MTARC1: variants seen among roughly 807,000 people sequenced by gnomAD.
MTARC1 encodes the protein mitochondrial amidoxime reducing component 1, also known as mitochondrial amidoxime-reducing component 1.
A neutral mutation model predicts 33.6 loss-of-function variants in MTARC1; 24 were observed. That is an observed-to-expected ratio of 0.72 (90% confidence interval 0.52 to 1.01). The LOEUF (loss-of-function observed/expected upper bound fraction) is 1.01, where lower values mean the gene tolerates loss of function less well. MTARC1 is among the 50% of genes least tolerant of loss of function. The probability of loss-of-function intolerance (pLI) is 0.00; values close to 1 mark genes in which losing one functional copy is unlikely to be tolerated. For synonymous variants in MTARC1, 187 were observed against 189.5 expected (o/e 0.99, Z 0.11); for missense variants, 417 against 445.7 (o/e 0.94, Z 0.58).
At chr1:220,798,325 G>T in intron 4 of MTARC1, 1 of 1,241,872 alleles carries the variant, frequency 8.1e-7, no homozygotes, top group Non-Finnish European at 1.0e-6. Context: ...ATCTGTGTGG[G>T]CCATGGAACA....
rs962217565 is a variant in MTARC1, at chr1:220,814,223, A to G, written c.*805A>G. The G allele has an allele frequency of 6.6e-6, 1 of 152,230 alleles. No homozygotes were observed. The highest frequency in any genetic ancestry group is 1.5e-5 in the Non-Finnish European group (1 of 68,046). The allele number at this position is 152,230 out of a possible 1,614,324, so 9.4% of individuals were successfully genotyped here. A position where few individuals can be genotyped will look rare whatever the true frequency, so the allele number is the denominator to read the frequency against. On this transcript the variant is annotated 3_prime_UTR_variant, in exon 7 of 7. Transcript: ENST00000366910. Reference sequence around the variant, plus strand: ...ACCTTTAAAGGGGGAAAAGGAAAGCATATGTCAGTTGTTTAAAACCCAATA... The same window carrying G: ...ACCTTTAAAGGGGGAAAAGGAAAGCGTATGTCAGTTGTTTAAAACCCAATA...
At chr1:220,813,192 A>G in intron 6 of MTARC1, 100 bp from the exon 7 acceptor site, 1 of 1,518,098 alleles carries the variant, frequency 6.6e-7, no homozygotes, top group Non-Finnish European at 9.1e-7. Flanking sequence ...TGCCCTCTCG[A>G]GCTGTGCGTG....
In MTARC1 at chr1:220,789,548, T is replaced by C. The variant is rs553975548; in HGVS notation, c.276-1943T>C. Among the ~76,000 whole-genome samples the C allele has an allele frequency of 5.9e-5, 9 of 152,346 alleles. No homozygotes were observed. In the South Asian group the frequency reaches 1.9e-3, roughly 32 times the overall value. On this transcript the variant is annotated intron_variant, in intron 1 of 6. Transcript: ENST00000366910. ...GGCCACGGGTTGGACAAGCTTACTCTAAGGTATTTACCAAAAGGAACTGGG... is the reference window on the plus strand; with the variant it reads ...GGCCACGGGTTGGACAAGCTTACTCCAAGGTATTTACCAAAAGGAACTGGG...
At chr1:220,801,048 T>C (rs1672782987) in intron 4 of MTARC1, among the ~76,000 whole-genome samples, 1 of 152,172 alleles carries the variant, frequency 6.6e-6, no homozygotes, top group African/African-American at 2.4e-5. Flanking sequence ...TTGATGTAAG[T>C]CACATCATGT....
At chr1:220,804,837 C>A (rs1672922836) in intron 4 of MTARC1, among the ~76,000 whole-genome samples, 1 of 151,586 alleles carries the variant, frequency 6.6e-6, no homozygotes, top group Non-Finnish European at 1.5e-5. Context: ...AGGGAAATCT[C>A]ATCTCAGGGG....
intron 6 of MTARC1, among the ~76,000 whole-genome samples, chr1:220,812,952 C>T (rs1673180851): frequency 6.6e-6 from 1 of 152,094 alleles, no homozygotes; most frequent in South Asian, 2.1e-4. Flanking sequence ...TCTTGATCTC[C>T]ATCCTGGTTG....
intron 6 of MTARC1, among the ~76,000 whole-genome samples, chr1:220,806,556 AC>A (rs1194292884): frequency 2.0e-5 from 3 of 152,064 alleles, no homozygotes; most frequent in African/African-American, 7.2e-5. Context: ...TCCACCTCTC[AC>A]CAACCTCATG....
intron 6 of MTARC1, among the ~76,000 whole-genome samples, chr1:220,812,341 G>T (rs1673160980): frequency 6.6e-6 from 1 of 152,244 alleles, no homozygotes; most frequent in African/African-American, 2.4e-5. Context: ...GCCACGGAAG[G>T]TTTGTGAGCC....
chr1:220,793,472 C>T (rs915220753), intron 2 of MTARC1: 29 of 152,192 alleles, frequency 1.9e-4, no homozygotes, highest in Admixed American at 1.6e-3. Context: ...ACAGACTCTT[C>T]GAGCAAAGAT....
intron 4 of MTARC1, among the ~76,000 whole-genome samples, chr1:220,799,824 C>T (rs1672731163): frequency 6.6e-6 from 1 of 152,226 alleles, no homozygotes; most frequent in East Asian, 1.9e-4. Context: ...GGTCACCAAA[C>T]TCGCCGAGGC....
chr1:220,798,423 G>A (rs1672689211), intron 4 of MTARC1: 1 of 1,172,804 alleles, frequency 8.5e-7, no homozygotes, highest in African/African-American at 1.6e-5. Context: ...TTACTGCAAG[G>A]CTGCTGGGTG....
chr1:220,801,362 C>T (rs2102599738), intron 4 of MTARC1, among the ~76,000 whole-genome samples: 1 of 152,234 alleles, frequency 6.6e-6, no homozygotes, highest in East Asian at 1.9e-4. Context: ...CCACAGCACA[C>T]ACCCCACCTA....
intron 1 of MTARC1, among the ~76,000 whole-genome samples, 163 bp downstream of exon 1, chr1:220,787,382 C>T (rs2102580575): frequency 6.6e-6 from 1 of 152,188 alleles, no homozygotes; most frequent in South Asian, 2.1e-4. Flanking sequence ...AAAAAGGAAC[C>T]CTCACCCCCC....
intron 6 of MTARC1, chr1:220,809,093 G>T: frequency 2.8e-6 from 1 of 360,174 alleles, no homozygotes; most frequent in Non-Finnish European, 5.5e-6. Context: ...TATAGCAGTG[G>T]TAACTCCATG....
chr1:220,808,824 GA>G, intron 6 of MTARC1: 1 of 471,156 alleles, frequency 2.1e-6, no homozygotes, highest in Non-Finnish European at 4.4e-6. Flanking sequence ...CTAACAGGAA[GA>G]TATGAAAATG....
chr1:220,810,163 T>TAATTTATTAA (rs1326277545), intron 6 of MTARC1, among the ~76,000 whole-genome samples: 1 of 152,252 alleles, frequency 6.6e-6, no homozygotes, highest in Non-Finnish European at 1.5e-5. Flanking sequence ...AAATGAGTTT[T>TAATTTATTAA]AATTTATTAA....
intron 6 of MTARC1, among the ~76,000 whole-genome samples, chr1:220,806,045 C>A (rs1672962120): frequency 6.6e-6 from 1 of 152,168 alleles, no homozygotes; most frequent in Non-Finnish European, 1.5e-5. Context: ...AATGGAGATA[C>A]TCTTTTGGTA....
At position 220,813,943 on chromosome 1, in the gene MTARC1, C is replaced by G. The variant is rs1673218395; in HGVS notation, c.*525C>G. 6.3e-6 allele frequency: 1 copy of G among 159,686 alleles called. No individual in the cohort carries two copies. The allele number at this position is 159,686 out of a possible 1,614,324, so 9.9% of individuals were successfully genotyped here. A position where few individuals can be genotyped will look rare whatever the true frequency, so the allele number is the denominator to read the frequency against. The stretch of plus-strand genomic sequence containing the variant: ...GCTAGCTTTTGAAATGGCATAAAGA[C>G]TGAGGTGACCTTCAGGAAGCACTGC... On this transcript the variant is annotated 3_prime_UTR_variant, in exon 7 of 7. Coordinates refer to ENST00000366910, the MANE Select transcript of MTARC1 (RefSeq NM_022746.4).
At chr1:220,789,090 G>A (rs887359623) in intron 1 of MTARC1, among the ~76,000 whole-genome samples, 2 of 152,000 alleles carry the variant, frequency 1.3e-5, no homozygotes, top group African/African-American at 4.8e-5. Flanking sequence ...GTGCCAGGGT[G>A]CCAGCATAGA....
Sources: gnomAD v4.1 joint callset for allele counts (sites outside exome capture counted in the v4.1 genomes callset) on GRCh38, gnomAD v4.1.1 for gene constraint, MANE v1.5 for transcripts, NCBI Gene and HGNC (gene_info 2026-07-23, HGNC 2026-07-21) for gene names.